The following FAM13A variants were observed in gnomAD, a reference collection of about 807,000 sequenced individuals.
FAM13A encodes family with sequence similarity 13 member A.
FAM13A carries 76 observed loss-of-function variants against 129.6 expected under a neutral mutation model. That is an observed-to-expected ratio of 0.59 (90% CI 0.49 to 0.71). The LOEUF is 0.71. Among genes scored for constraint, FAM13A ranks in the 30% least tolerant of loss-of-function variants. FAM13A has a pLI of 0.00. For missense variants in FAM13A, 1,108 were observed against 1,249.3 expected (o/e 0.89, Z 1.70); for synonymous variants, 443 against 449.9 (o/e 0.98, Z 0.20).
chr4:88,860,760 T>C (rs1739356518), intron 6 of FAM13A, among the ~76,000 whole-genome samples: 1 of 152,222 alleles, frequency 6.6e-6, no homozygotes, highest in African/African-American at 2.4e-5. Context: ...TGGAATGTTT[T>C]GCACTCCTTT....
chr4:88,841,323 G>T (rs182139567), intron 7 of FAM13A, among the ~76,000 whole-genome samples: 10,609 of 151,822 alleles, frequency 0.07, 513 homozygotes, highest in African/African-American at 0.14. Flanking sequence ...GTGAAACCCT[G>T]TCTTTACTAG....
intron 4 of FAM13A, among the ~76,000 whole-genome samples, chr4:88,954,124 G>A (rs1331224005): frequency 6.6e-6 from 1 of 152,160 alleles, no homozygotes; most frequent in Admixed American, 6.5e-5. Flanking sequence ...GTTAAGGTAG[G>A]TCTTGAGATA....
chr4:89,010,259 C>T (rs943026485), intron 3 of FAM13A, among the ~76,000 whole-genome samples: 1 of 152,218 alleles, frequency 6.6e-6, no homozygotes, highest in African/African-American at 2.4e-5. Flanking sequence ...CCTCTGTCCC[C>T]ATTCCTTTGG....
At chr4:88,817,273 A>C (rs1437244404) in intron 7 of FAM13A, among the ~76,000 whole-genome samples, 1 of 152,182 alleles carries the variant, frequency 6.6e-6, no homozygotes, top group Non-Finnish European at 1.5e-5. Context: ...TTAAAAAATT[A>C]TTTCTATAGC....
At chr4:88,952,125 T>A (rs1212879681) in intron 4 of FAM13A, among the ~76,000 whole-genome samples, 1 of 152,148 alleles carries the variant, frequency 6.6e-6, no homozygotes, top group Non-Finnish European at 1.5e-5. Flanking sequence ...ACACCTTTCC[T>A]CTCTAATGGT....
chr4:88,969,247 A>G (rs896668579), intron 4 of FAM13A, among the ~76,000 whole-genome samples: 3 of 152,204 alleles, frequency 2.0e-5, no homozygotes, highest in Non-Finnish European at 4.4e-5. Context: ...TAATTTTCAT[A>G]ATTTCTGTGT....
rs187302774 is a variant in FAM13A, at chr4:88,871,375, C to T, written c.844-20192G>A. Reference sequence around the variant, plus strand: ...GCTAAAGGAGGATGTTTGAAGCCATCGTAAGGAAGCTAAAAACCTTGAATA... The same window carrying T: ...GCTAAAGGAGGATGTTTGAAGCCATTGTAAGGAAGCTAAAAACCTTGAATA... On this transcript the variant is annotated intron_variant, in intron 6 of 23. Coordinates refer to ENST00000264344, the MANE Select transcript of FAM13A (RefSeq NM_014883.4). Among the ~76,000 whole-genome samples, 304 of 152,208 alleles carry T rather than the reference C, an allele frequency of 2.0e-3. 1 individual carries two copies. The highest frequency in any genetic ancestry group is 2.9e-3 in the Non-Finnish European group (194 of 68,010).
intron 5 of FAM13A, 145 bp downstream of exon 5, chr4:88,937,943 A>C (rs1476999251): frequency 6.5e-6 from 4 of 610,868 alleles, no homozygotes; most frequent in Non-Finnish European, 1.1e-5. Flanking sequence ...CATTTGGAAT[A>C]ATAGATTTCA....
At chr4:89,044,344 A>C (rs550725418) in intron 1 of FAM13A, among the ~76,000 whole-genome samples, 4 of 152,330 alleles carry the variant, frequency 2.6e-5, no homozygotes, top group African/African-American at 9.6e-5. Context: ...ACTGGTCTTT[A>C]GGGAAGTGAG....
chr4:88,841,559 A>T (rs927095146), intron 7 of FAM13A, among the ~76,000 whole-genome samples: 1 of 152,178 alleles, frequency 6.6e-6, no homozygotes, highest in South Asian at 2.1e-4. Context: ...TTTGCATATC[A>T]TATATCTGAT....
At position 88,728,259 on chromosome 4, in the gene FAM13A, CTGTG is replaced by C. The variant is rs140652030; in HGVS notation, c.*270_*273del. 5.7e-5 allele frequency: 26 copies of C among 459,178 alleles called. No individual in the cohort carries two copies. Among genetic ancestry groups the C allele is most frequent in the East Asian group, 1.1e-4 (3 of 26,110 alleles). The allele number at this position is 459,178 out of a possible 1,614,324, so 28.4% of individuals were successfully genotyped here. On this transcript the variant is annotated 3_prime_UTR_variant, in exon 24 of 24. Transcript: ENST00000264344. Reference sequence around the variant, plus strand: ...TGCTAGTGTTAGGAAAGCTCCACTACTGTGTGTGTGTGTGCGTGCATGCGCGTGC... The same window carrying C: ...TGCTAGTGTTAGGAAAGCTCCACTACTGTGTGTGTGCGTGCATGCGCGTGC...
chr4:88,800,695 AC>A (rs1727266510), intron 8 of FAM13A, among the ~76,000 whole-genome samples: 3 of 149,004 alleles, frequency 2.0e-5, no homozygotes, highest in Admixed American at 6.6e-5. Flanking sequence ...AGAAACAAAA[AC>A]AAAAAAAAAA....
intron 1 of FAM13A, 118 bp from the exon 2 acceptor site, chr4:89,029,767 T>C: frequency 2.4e-6 from 2 of 844,960 alleles, no homozygotes; most frequent in Non-Finnish European, 3.8e-6. Flanking sequence ...TGGTCTTATT[T>C]TTACTTCAAC....
intron 5 of FAM13A, among the ~76,000 whole-genome samples, chr4:88,912,603 A>C (rs1033312832): frequency 2.2e-5 from 3 of 135,148 alleles, no homozygotes; most frequent in Non-Finnish European, 4.8e-5. Flanking sequence ...ACACACACAC[A>C]CCTCCTATTG....
At chr4:88,813,112 T>G (rs1729991776) in intron 7 of FAM13A, among the ~76,000 whole-genome samples, 1 of 152,168 alleles carries the variant, frequency 6.6e-6, no homozygotes, top group Non-Finnish European at 1.5e-5. Context: ...CTGTACTCTT[T>G]GTGGTATACA....
chr4:88,728,442 C>T lies in FAM13A; in HGVS notation c.*91G>A, dbSNP rs1736826015. The T allele has an allele frequency of 4.6e-6, 7 of 1,535,962 alleles. No homozygotes were observed. The Admixed American group carries it at 8.5e-5, about 19-fold the overall frequency. ...AGAAGGGCTGCATGCTTTGCAGGGC[C>T]AGCCCCAAGGCTGCCTTCCAGAGCT... On this transcript the variant is annotated 3_prime_UTR_variant, in exon 24 of 24. Transcript: ENST00000264344.
intron 4 of FAM13A, among the ~76,000 whole-genome samples, chr4:88,966,113 G>GA (rs1184201602): frequency 3.3e-5 from 5 of 152,204 alleles, no homozygotes; most frequent in African/African-American, 9.6e-5. Context: ...ATTTTTGGAG[G>GA]AATGAGGTGA....
intron 7 of FAM13A, among the ~76,000 whole-genome samples, chr4:88,843,862 G>A (rs1360470613): frequency 6.6e-6 from 1 of 152,222 alleles, no homozygotes; most frequent in Non-Finnish European, 1.5e-5. Flanking sequence ...CAGCGATGAT[G>A]TGGGGACAAT....
intron 5 of FAM13A, among the ~76,000 whole-genome samples, chr4:88,910,576 T>G (rs2446300): frequency 0.76 from 115,047 of 151,734 alleles, 43,937 homozygotes; most frequent in Non-Finnish European, 0.79. Flanking sequence ...TCCACTTGTT[T>G]CTCTCTATCC....
Sources: gnomAD v4.1 joint callset for allele counts (sites outside exome capture counted in the v4.1 genomes callset) on GRCh38, gnomAD v4.1.1 for gene constraint, MANE v1.5 for transcripts, NCBI Gene and HGNC (gene_info 2026-07-23, HGNC 2026-07-21) for gene names.